Variants in ZNF831 observed in about 807,000 individuals in gnomAD.
ZNF831 encodes the protein chromosome 20 open reading frame 174.
Under a neutral mutation model 95.8 loss-of-function variants are expected in ZNF831, and 59 were observed. That is an observed-to-expected ratio of 0.62 (90% confidence interval 0.50 to 0.77). ZNF831 has a LOEUF of 0.77. ZNF831 is among the 30% of genes least tolerant of loss of function. The probability of loss-of-function intolerance (pLI) is 0.00; values close to 1 mark genes in which losing one functional copy is unlikely to be tolerated. For missense variants in ZNF831, 2,205 were observed against 2,164.0 expected, an observed-to-expected ratio of 1.02 and a Z score of -0.38; for synonymous variants, 961 against 925.5, an observed-to-expected ratio of 1.04 and a Z score of -0.70.
intron 2 of ZNF831, among the ~76,000 whole-genome samples, chr20:59,158,702 T>C (rs1167467762): frequency 1.3e-5 from 2 of 152,152 alleles, no homozygotes; most frequent in African/African-American, 4.8e-5. Flanking sequence ...TTTTGTTTGG[T>C]TTTTAACTTT....
intron 4 of ZNF831, among the ~76,000 whole-genome samples, chr20:59,252,437 T>C (rs958328569): frequency 1.8e-4 from 28 of 152,318 alleles, no homozygotes; most frequent in African/African-American, 6.7e-4. Flanking sequence ...AAGTGCTGTT[T>C]TGTGGATATT....
intron 4 of ZNF831, among the ~76,000 whole-genome samples, chr20:59,211,848 G>T (rs1319834283): frequency 6.6e-6 from 1 of 151,422 alleles, no homozygotes; most frequent in African/African-American, 2.5e-5. Context: ...TTTCTGAGGA[G>T]AGATGACCTG....
At chr20:59,210,997 C>T (rs1985277541) in intron 4 of ZNF831, among the ~76,000 whole-genome samples, 1 of 75,988 alleles carries the variant, frequency 1.3e-5, no homozygotes, top group African/African-American at 7.6e-5. Context: ...TGCGCCACTG[C>T]AGTCCGCAGT....
intron 3 of ZNF831, among the ~76,000 whole-genome samples, chr20:59,197,697 C>T (rs1363392274): frequency 6.6e-6 from 1 of 152,138 alleles, no homozygotes; most frequent in Non-Finnish European, 1.5e-5. Flanking sequence ...GTAGTCTGAA[C>T]AAAACAAGGC....
At chr20:59,207,091 C>A in intron 4 of ZNF831, 35 bp downstream of exon 4, 1 of 1,604,050 alleles carries the variant, frequency 6.2e-7, no homozygotes. Context: ...CCAGACTGGG[C>A]ACTCGAAGGC....
In ZNF831 at chr20:59,163,888, G is replaced by A. The variant is rs192716016; in HGVS notation, c.-356G>A. 5.3e-5 allele frequency among the ~76,000 whole-genome samples: 8 copies of A among 152,200 alleles called. No homozygotes were observed. The highest frequency in any genetic ancestry group is 1.9e-4 in the East Asian group (1 of 5,170). On this transcript the variant is annotated 5_prime_UTR_variant, in exon 1 of 6. In the 5' UTR this introduces an upstream ATG that the reference lacks. Transcript: ENST00000371030. ...GAAATGGTGCTTTTCTCAGTTAAAC[G>A]TGGACTTGACATAAAGGCCAAGCCA... is the stretch of plus-strand genomic sequence containing the variant.
intron 4 of ZNF831, among the ~76,000 whole-genome samples, chr20:59,225,665 G>C (rs983614793): frequency 2.0e-5 from 3 of 152,180 alleles, no homozygotes; most frequent in African/African-American, 7.2e-5. Context: ...TCTGTCATTA[G>C]ATGACGTGAG....
chr20:59,138,438 GCTGGCCCCCGTCCC>G lies in ZNF831; in HGVS notation c.-1424-7789_-1424-7776del, dbSNP rs1261826983. Among the ~76,000 whole-genome samples, 9 of 151,656 alleles carry G rather than the reference GCTGGCCCCCGTCCC, an allele frequency of 5.9e-5. No homozygotes were observed. The East Asian group carries it at 1.7e-3, about 29-fold the overall frequency. On this transcript the variant is annotated intron_variant, in intron 1 of 7. Transcript: ENST00000637017. ...GTCTCTTCTGCCATCCTTCAGTCTC[GCTGGCCCCCGTCCC>G]CTGATCACTGTGCTTGTTTGCACCT...
At chr20:59,179,574 C>T (rs772149817) in intron 1 of ZNF831, among the ~76,000 whole-genome samples, 1 of 152,096 alleles carries the variant, frequency 6.6e-6, no homozygotes, top group Non-Finnish European at 1.5e-5. Flanking sequence ...AGGGTCCTTC[C>T]TGGCCTCTTT....
chr20:59,124,238 A>G (rs1444285473), intron 1 of ZNF831, among the ~76,000 whole-genome samples: 1 of 152,092 alleles, frequency 6.6e-6, no homozygotes, highest in Non-Finnish European at 1.5e-5. Flanking sequence ...TCTAGCCTCT[A>G]GGGTCATTCC....
At chr20:59,145,130 C>G (rs962443522) in intron 1 of ZNF831, among the ~76,000 whole-genome samples, 1 of 152,186 alleles carries the variant, frequency 6.6e-6, no homozygotes, top group Non-Finnish European at 1.5e-5. Flanking sequence ...CATTGATAAC[C>G]ATGTGTGGCA....
intron 2 of ZNF831, chr20:59,147,004 A>G (rs950176291): frequency 4.6e-5 from 7 of 152,322 alleles, no homozygotes; most frequent in African/African-American, 1.7e-4. Context: ...GAGCAGGAGA[A>G]GGAGTAATCT....
intron 4 of ZNF831, among the ~76,000 whole-genome samples, chr20:59,251,687 A>G (rs191115344): frequency 2.7e-4 from 41 of 152,364 alleles, no homozygotes; most frequent in African/African-American, 8.9e-4. Flanking sequence ...GGAGCAAATC[A>G]GAAAGTTTCA....
intron 4 of ZNF831, among the ~76,000 whole-genome samples, chr20:59,240,729 G>A (rs1217313531): frequency 6.6e-6 from 1 of 152,162 alleles, no homozygotes; most frequent in Non-Finnish European, 1.5e-5. Context: ...GTGAACCCGG[G>A]AGGCGGAGCT....
chr20:59,185,358 C>T (rs924168102), intron 1 of ZNF831, among the ~76,000 whole-genome samples: 3 of 152,146 alleles, frequency 2.0e-5, no homozygotes, highest in African/African-American at 7.2e-5. Context: ...ATCATCGTGG[C>T]AGGTGTGTCG....
chr20:59,230,738 G>A (rs1221523465), intron 4 of ZNF831, among the ~76,000 whole-genome samples: 2 of 152,166 alleles, frequency 1.3e-5, no homozygotes, highest in African/African-American at 4.8e-5. Context: ...AGGAGATATG[G>A]GGATAGCCAA....
At chr20:59,211,535 A>G (rs1013992110) in intron 4 of ZNF831, among the ~76,000 whole-genome samples, 3 of 152,148 alleles carry the variant, frequency 2.0e-5, no homozygotes, top group Non-Finnish European at 4.4e-5. Flanking sequence ...TAAAATAAAT[A>G]CCACTGGAAA....
chr20:59,220,578 T>C (rs964366963), intron 4 of ZNF831, among the ~76,000 whole-genome samples: 1 of 152,240 alleles, frequency 6.6e-6, no homozygotes, highest in Admixed American at 6.5e-5. Context: ...GAGAAAGTCT[T>C]GTTTTGATTC....
chr20:59,165,948 C>T (rs371708611), intron 1 of ZNF831, among the ~76,000 whole-genome samples: 5 of 152,034 alleles, frequency 3.3e-5, no homozygotes, highest in East Asian at 1.9e-4. Flanking sequence ...GAAGGGGTTT[C>T]GCCATTTTGG....
Sources: gnomAD v4.1 joint callset for allele counts (sites outside exome capture counted in the v4.1 genomes callset) on GRCh38, gnomAD v4.1.1 for gene constraint, MANE v1.5 for transcripts, NCBI Gene and HGNC (gene_info 2026-07-23, HGNC 2026-07-21) for gene names.